MYO18A: variants seen among roughly 807,000 people sequenced by gnomAD.
MYO18A encodes unconventional myosin-XVIIIa.
In MYO18A, 78 loss-of-function variants were observed where a neutral mutation model predicts 235.8. The ratio of observed to expected loss-of-function variants is 0.33; its 90% CI spans 0.28 to 0.40. MYO18A has a LOEUF of 0.40. Ranked by LOEUF, MYO18A falls within the 10% of genes least tolerant of loss-of-function variation. MYO18A has a pLI of 1.00. For missense variants in MYO18A, 2,215 were observed against 2,699.3 expected, an observed-to-expected ratio of 0.82 and a Z score of 3.98; for synonymous variants, 977 against 1,077.8, an observed-to-expected ratio of 0.91 and a Z score of 1.83.
intron 10 of MYO18A, among the ~76,000 whole-genome samples, chr17:29,116,719 AC>A (rs2067077123): frequency 1.1e-4 from 1 of 9,248 alleles, no homozygotes; most frequent in African/African-American, 3.9e-4. Flanking sequence ...GTGCGCAAAC[AC>A]ACCCTCCCCC....
At position 29,101,751 on chromosome 17, in the gene MYO18A, G is replaced by A. The variant is rs539042188; in HGVS notation, c.3507+1848C>T. On this transcript the variant is annotated intron_variant, in intron 21 of 41. Transcript: ENST00000527372. ...GGCAGAAGTGAGGTGCTGGAGTGGG[G>A]GGTGGATAATGGCTCAGAGACACAA... Among the ~76,000 whole-genome samples, 7 of 152,316 alleles carry A rather than the reference G, an allele frequency of 4.6e-5. No homozygotes were observed. In the South Asian group the frequency reaches 1.5e-3, roughly 32 times the overall value.
In MYO18A at chr17:29,118,411, T is replaced by C; in HGVS notation, c.1859A>G (p.Glu620Gly). ...TGGCACAATCCCAAACACATTGTTC[T>C]CTGCCAAGTGGTTGAGGTGGAGCTC... is the stretch of plus-strand genomic sequence containing the variant. ...RTELHLNHLA[E>G]NNVFGIVPLA... The change falls in exon 9 of 42, where the codon GAG (glutamate) becomes GGG (glycine). Residue 620 changes from glutamate (E) to glycine (G), a missense_variant. By Grantham distance (98) the Glu-to-Gly change is moderately conservative (BLOSUM62 -2). Coordinates refer to ENST00000527372, the MANE Select transcript of MYO18A (RefSeq NM_078471.4). The surrounding 1 kb of genome is among the most constrained non-coding windows in gnomAD (Gnocchi z 4.2). 1 of 1,606,728 alleles carries C rather than the reference T, an allele frequency of 6.2e-7. No individual in the cohort carries two copies. Among genetic ancestry groups the C allele is most frequent in the Non-Finnish European group, 8.5e-7 (1 of 1,174,510 alleles).
At chr17:29,136,250 A>AAAAAATAT (rs1483354837) in intron 2 of MYO18A, among the ~76,000 whole-genome samples, 2 of 82,470 alleles carry the variant, frequency 2.4e-5, no homozygotes, top group African/African-American at 4.6e-5. Flanking sequence ...AAAAAAAAAA[A>AAAAAATAT]ATATATATAT....
chr17:29,165,671 G>T (rs574652794), intron 2 of MYO18A, among the ~76,000 whole-genome samples: 1 of 152,290 alleles, frequency 6.6e-6, no homozygotes, highest in African/African-American at 2.4e-5. Context: ...AGAGACGAAG[G>T]TGTGACTCCT....
rs941742078 is a variant in MYO18A, at chr17:29,074,970, G to A, written c.6021-56C>T. 26 of 1,598,780 alleles carry A rather than the reference G, an allele frequency of 1.6e-5. No homozygotes were observed. In the African/African-American group the frequency reaches 1.7e-4, roughly 11 times the overall value. ...AAATGACACTCCTACCATTAAGCAC[G>A]CACGCCTTTGGTTCTGGAGGCCCAC... On this transcript the variant is annotated intron_variant, in intron 41 of 41. Coordinates refer to ENST00000527372, the MANE Select transcript of MYO18A (RefSeq NM_078471.4). The surrounding 1 kb of genome is among the most constrained non-coding windows in gnomAD (Gnocchi z 4.4).
At chr17:29,122,855 G>A (rs1199503554) in intron 2 of MYO18A, among the ~76,000 whole-genome samples, 2 of 152,336 alleles carry the variant, frequency 1.3e-5, no homozygotes, top group South Asian at 2.1e-4. Context: ...TACCCGGACC[G>A]GGGGACAGTG....
chr17:29,081,837 T>G (rs1041725633), intron 41 of MYO18A, among the ~76,000 whole-genome samples: 5 of 151,944 alleles, frequency 3.3e-5, no homozygotes, highest in Admixed American at 1.3e-4. Context: ...GTGAAGAGAT[T>G]AGAGGAAGGA....
intron 2 of MYO18A, among the ~76,000 whole-genome samples, chr17:29,159,932 C>A (rs2068138276): frequency 6.6e-6 from 1 of 152,164 alleles, no homozygotes; most frequent in Non-Finnish European, 1.5e-5. Flanking sequence ...ATAGGAAGCA[C>A]CCAGAAGGCC....
chr17:29,092,939 G>C lies in MYO18A; in HGVS notation c.4989C>G (p.Ala1663=). The part of the protein sequence containing the change: ...RLRKDLKRTK[A]LLADAQLMLD... ...GCATGAGCTGGGCATCTGCCAGCAG[G>C]GCCTTGGTGCGCTTCAGGTCCTTCC... Residue 1663 remains alanine (A), a synonymous_variant, in exon 33 of 42, where the codon GCC becomes GCG. Coordinates refer to ENST00000527372, the MANE Select transcript of MYO18A (RefSeq NM_078471.4). The C allele has an allele frequency of 6.2e-7, 1 of 1,613,928 alleles. No homozygotes were observed. Among genetic ancestry groups the C allele is most frequent in the East Asian group, 2.2e-5 (1 of 44,872 alleles).
chr17:29,158,548 C>T lies in MYO18A; in HGVS notation c.999+7394G>A, dbSNP rs1181420804. Among the ~76,000 whole-genome samples, 1 of 152,158 alleles carries T rather than the reference C, an allele frequency of 6.6e-6. No individual in the cohort carries two copies. Among genetic ancestry groups the T allele is most frequent in the South Asian group, 2.1e-4 (1 of 4,826 alleles). On this transcript the variant is annotated intron_variant, in intron 2 of 41. Coordinates refer to ENST00000527372, the MANE Select transcript of MYO18A (RefSeq NM_078471.4). This position sits in a 1 kb window ranked among gnomAD's most constrained non-coding sequence, Gnocchi z 4.3. ...GGCATGGTGGGCGCCCTCAGTGCTG[C>T]CAGATGCCTGGGGCACAACCATACC...
intron 10 of MYO18A, among the ~76,000 whole-genome samples, chr17:29,116,721 ACCCTCC>A (rs1567606540): frequency 4.3e-3 from 15 of 3,466 alleles, no homozygotes; most frequent in African/African-American, 6.7e-3. Context: ...GCGCAAACAC[ACCCTCC>A]CCCCCCCCCC....
intron 28 of MYO18A, among the ~76,000 whole-genome samples, chr17:29,096,326 C>T (rs373698512): frequency 9.8e-5 from 15 of 152,364 alleles, no homozygotes; most frequent in African/African-American, 2.9e-4. Flanking sequence ...GGCCACCCCC[C>T]TCCTTTGTAT....
chr17:29,074,233 T>C lies in MYO18A; in HGVS notation c.*537A>G. 4.5e-6 allele frequency: 7 copies of C among 1,540,914 alleles called. No homozygotes were observed. The highest frequency in any genetic ancestry group is 6.2e-6 in the Non-Finnish European group (7 of 1,135,172). On this transcript the variant is annotated 3_prime_UTR_variant, in exon 42 of 42. Coordinates refer to ENST00000527372, the MANE Select transcript of MYO18A (RefSeq NM_078471.4). The surrounding 1 kb of genome is among the most constrained non-coding windows in gnomAD (Gnocchi z 4.4). ...CGTTCTTGGGAGCCCCAGCTACCAC[T>C]ACAGCCCCCTCCCACTCTCAGGGAT...
chr17:29,122,101 C>T, intron 3 of MYO18A, 65 bp downstream of exon 3: 1 of 1,557,312 alleles, frequency 6.4e-7, no homozygotes, highest in Non-Finnish European at 8.8e-7. Flanking sequence ...GCAGAAGGCA[C>T]ATTCGCTGCC....
chr17:29,095,044 G>A lies in MYO18A; in HGVS notation c.4401C>T (p.Leu1467=), dbSNP rs1477649893. Reference sequence around the variant, plus strand: ...GCTGGGCCTCCTCATGCGCCTGCGAGAGCTCACTGTCAAACCTGCGAGGGA... The same window carrying A: ...GCTGGGCCTCCTCATGCGCCTGCGAAAGCTCACTGTCAAACCTGCGAGGGA... ...EKKQRRFDSE[L]SQAHEEAQRE... Residue 1467 remains leucine, a synonymous_variant, in exon 29 of 42, where the codon CTC becomes CTT. Transcript: ENST00000527372. The A allele has an allele frequency of 1.9e-5, 30 of 1,553,582 alleles. No individual in the cohort carries two copies. The highest frequency in any genetic ancestry group is 2.5e-5 in the Non-Finnish European group (29 of 1,147,854).
rs767676233 is a variant in MYO18A, at chr17:29,097,336, G to A, written c.4117C>T (p.Leu1373=). 2.3e-5 allele frequency: 37 copies of A among 1,608,238 alleles called. 1 individual carries two copies. The South Asian group carries it at 3.6e-4, about 16-fold the overall frequency. ...DDDDAGGEWR[L]KYERAVREVD... is the part of the protein sequence containing the mutation. ...TCCCGCACAGCCCGCTCATACTTCAGCCGCCACTCGCCACCTGTGGGGTTG... is the reference window on the plus strand; with the variant it reads ...TCCCGCACAGCCCGCTCATACTTCAACCGCCACTCGCCACCTGTGGGGTTG... The change falls in exon 27 of 42, where the codon CTG becomes TTG. Residue 1373 remains leucine, a synonymous_variant. Transcript: ENST00000527372.
chr17:29,077,465 T>G, intron 41 of MYO18A: 1 of 152,294 alleles, frequency 6.6e-6, no homozygotes, highest in East Asian at 1.9e-4. Flanking sequence ...AAATTCTTGC[T>G]GGTCCTCATC....
At chr17:29,082,235 C>T (rs908757256) in intron 41 of MYO18A, 81 bp downstream of exon 41, 66 of 1,572,686 alleles carry the variant, frequency 4.2e-5, no homozygotes, top group Non-Finnish European at 5.6e-5. Flanking sequence ...ACAGGCCTGC[C>T]CTCATGGGAT....
rs563127020 is a variant in MYO18A, at chr17:29,127,676, G to C, written c.1000-5423C>G. The stretch of plus-strand genomic sequence containing the variant: ...CAGAGCCCAGGCAACTGCAGGGTCC[G>C]CATTGGGTTAGGGAAAGCCATGCAG... On this transcript the variant is annotated intron_variant, in intron 2 of 41. Coordinates refer to ENST00000527372, the MANE Select transcript of MYO18A (RefSeq NM_078471.4). 2.9e-4 allele frequency among the ~76,000 whole-genome samples: 44 copies of C among 152,356 alleles called. No homozygotes were observed. In the South Asian group the frequency reaches 9.1e-3, roughly 32 times the overall value.
Sources: gnomAD v4.1 joint callset for allele counts (sites outside exome capture counted in the v4.1 genomes callset) on GRCh38, gnomAD v4.1.1 for gene constraint, Gnocchi (gnomAD v3.1) non-coding constraint, MANE v1.5 for transcripts, NCBI Gene and HGNC (gene_info 2026-07-23, HGNC 2026-07-21) for gene names.